NEK7: variants seen among roughly 807,000 people sequenced by gnomAD.
The protein encoded by NEK7 is serine/threonine-protein kinase Nek7.
Under a neutral mutation model 44.6 loss-of-function variants are expected in NEK7, and 18 were observed. The ratio of observed to expected loss-of-function variants is 0.40; its 90% CI spans 0.28 to 0.60. NEK7 has a LOEUF of 0.60. NEK7 is among the 20% of genes least tolerant of loss of function. The pLI, the probability that NEK7 is intolerant of heterozygous loss-of-function variation, is 0.38. For synonymous variants in NEK7, 130 were observed against 121.1 expected (o/e 1.07, Z -0.48); for missense variants, 256 against 366.5 (o/e 0.70, Z 2.46).
rs571241285 is a variant in NEK7, at chr1:198,222,317, AAAC to A, written c.-28-10232_-28-10230del. Among the ~76,000 whole-genome samples the A allele has an allele frequency of 9.7e-4, 148 of 152,286 alleles. 1 individual carries two copies. The highest frequency in any genetic ancestry group is 3.4e-3 in the African/African-American group (143 of 41,560). On this transcript the variant is annotated intron_variant, in intron 1 of 9. Coordinates refer to ENST00000367385, the MANE Select transcript of NEK7 (RefSeq NM_133494.3). ...ATCACATTAAAAAGCTTTAGGTGATAAACAACTAATTGGTTTGAGATTTTCAAG... is the reference window on the plus strand; with the variant it reads ...ATCACATTAAAAAGCTTTAGGTGATAAACTAATTGGTTTGAGATTTTCAAG...
intron 5 of NEK7, among the ~76,000 whole-genome samples, chr1:198,268,796 C>CA (rs1243923376): frequency 6.6e-6 from 1 of 152,076 alleles, no homozygotes; most frequent in Non-Finnish European, 1.5e-5. Flanking sequence ...GTGCCTAGCA[C>CA]AGAGCTTGTG....
intron 2 of NEK7, among the ~76,000 whole-genome samples, chr1:198,252,607 A>C (rs1446824072): frequency 7.7e-6 from 1 of 130,416 alleles, no homozygotes; most frequent in African/African-American, 3.1e-5. Flanking sequence ...ATGTTTATAT[A>C]TTTATTAAAA....
intron 2 of NEK7, among the ~76,000 whole-genome samples, chr1:198,238,971 A>G (rs772921878): frequency 6.6e-6 from 1 of 152,172 alleles, no homozygotes; most frequent in African/African-American, 2.4e-5. Context: ...TCTTATACTC[A>G]TGTTTAGGCA....
chr1:198,295,917 G>A (rs1054679434), intron 8 of NEK7, among the ~76,000 whole-genome samples: 8 of 151,070 alleles, frequency 5.3e-5, no homozygotes, highest in African/African-American at 1.5e-4. Context: ...CTTTTTTCTC[G>A]TCATGTGAAA....
At position 198,193,436 on chromosome 1, in the gene NEK7, G is replaced by A. The variant is rs1665136677; in HGVS notation, c.-29+36160G>A. Among the ~76,000 whole-genome samples the A allele has an allele frequency of 2.0e-5, 3 of 152,064 alleles. No individual in the cohort carries two copies. In the South Asian group the frequency reaches 6.2e-4, roughly 32 times the overall value. On this transcript the variant is annotated intron_variant, in intron 1 of 9. Transcript: ENST00000367385. ...ACTATTCCAAACAATTGAAAAGGAG[G>A]GACTCTTCCCTAACTTATTTTACGA...
chr1:198,319,299 C>G (rs1571628849), intron 9 of NEK7, 113 bp from the exon 10 acceptor site: 1 of 628,612 alleles, frequency 1.6e-6, no homozygotes. Context: ...AATGTTTAGT[C>G]AGAAAATGTA....
chr1:198,252,528 CTATATATATATATATA>C (rs1162099133), intron 2 of NEK7, among the ~76,000 whole-genome samples: 6 of 32,694 alleles, frequency 1.8e-4, no homozygotes, highest in Non-Finnish European at 2.6e-4. Context: ...ATCTCACATA[CTATATATATATATATA>C]TATATATATA....
At chr1:198,191,680 AGT>A (rs1470969327) in intron 1 of NEK7, among the ~76,000 whole-genome samples, 3 of 151,942 alleles carry the variant, frequency 2.0e-5, no homozygotes, top group East Asian at 3.8e-4. Context: ...CTTGTCCTGA[AGT>A]GTATTTTTCT....
chr1:198,249,512 G>A (rs1308649344), intron 2 of NEK7, among the ~76,000 whole-genome samples: 21 of 152,022 alleles, frequency 1.4e-4, no homozygotes, highest in Admixed American at 1.4e-3. Context: ...CACCAACAGT[G>A]TAAAAGTGTT....
chr1:198,219,437 A>C (rs968325278), intron 1 of NEK7, among the ~76,000 whole-genome samples: 1 of 151,652 alleles, frequency 6.6e-6, no homozygotes, highest in African/African-American at 2.4e-5. Flanking sequence ...ATTATTCTAA[A>C]TGAAGTAAAT....
At chr1:198,312,687 T>A (rs1253047202) in intron 9 of NEK7, among the ~76,000 whole-genome samples, 1 of 151,866 alleles carries the variant, frequency 6.6e-6, no homozygotes, top group Non-Finnish European at 1.5e-5. Flanking sequence ...TGCCTTCATT[T>A]CGTTATGTAC....
chr1:198,282,543 G>A (rs1366374998), intron 7 of NEK7, among the ~76,000 whole-genome samples: 2 of 152,100 alleles, frequency 1.3e-5, no homozygotes, highest in Non-Finnish European at 1.5e-5. Flanking sequence ...CTAAAACCCA[G>A]TGTCTGGATT....
At chr1:198,284,593 C>A (rs569610198) in intron 7 of NEK7, among the ~76,000 whole-genome samples, 2 of 152,208 alleles carry the variant, frequency 1.3e-5, no homozygotes, top group South Asian at 4.1e-4. Flanking sequence ...ACACGGCAAT[C>A]AAGTAATAAA....
intron 1 of NEK7, among the ~76,000 whole-genome samples, chr1:198,208,170 G>A (rs1171414345): frequency 6.6e-6 from 1 of 152,018 alleles, no homozygotes; most frequent in Non-Finnish European, 1.5e-5. Context: ...TTGCTATTTT[G>A]TGTTCATGTA....
chr1:198,252,225 C>A (rs546104921), intron 2 of NEK7, among the ~76,000 whole-genome samples: 8 of 152,082 alleles, frequency 5.3e-5, no homozygotes, highest in African/African-American at 1.9e-4. Context: ...TTTGATTGCC[C>A]TGTGGTCTGA....
chr1:198,272,235 C>G (rs1025364960), intron 5 of NEK7, among the ~76,000 whole-genome samples: 2 of 151,650 alleles, frequency 1.3e-5, no homozygotes, highest in Non-Finnish European at 2.9e-5. Flanking sequence ...GAACTTTGAA[C>G]TCTGTTTGCT....
intron 7 of NEK7, 64 bp from the exon 8 acceptor site, chr1:198,292,881 T>G: frequency 2.3e-6 from 2 of 874,164 alleles, no homozygotes; most frequent in Non-Finnish European, 1.9e-6. Flanking sequence ...GTATGTAGTT[T>G]CTGACCACAG....
chr1:198,303,416 T>C lies in NEK7; in HGVS notation c.798+6176T>C, dbSNP rs1246693116. 2.6e-5 allele frequency among the ~76,000 whole-genome samples: 4 copies of C among 152,098 alleles called. No homozygotes were observed. The East Asian group carries it at 7.7e-4, about 29-fold the overall frequency. On this transcript the variant is annotated intron_variant, in intron 9 of 9. Transcript: ENST00000367385. ...TTAGAATAAATTTAAAGAAGATTTTTAAGGGAGTTAAGTCAGTAACAAAAA... is the reference window on the plus strand; with the variant it reads ...TTAGAATAAATTTAAAGAAGATTTTCAAGGGAGTTAAGTCAGTAACAAAAA...
At chr1:198,281,827 C>T (rs974368440) in intron 7 of NEK7, among the ~76,000 whole-genome samples, 4 of 151,886 alleles carry the variant, frequency 2.6e-5, no homozygotes, top group African/African-American at 4.8e-5. Context: ...TCTTTTCATT[C>T]CATAATAAAT....
Sources: gnomAD v4.1 joint callset for allele counts (sites outside exome capture counted in the v4.1 genomes callset) on GRCh38, gnomAD v4.1.1 for gene constraint, MANE v1.5 for transcripts, NCBI Gene and HGNC (gene_info 2026-07-23, HGNC 2026-07-21) for gene names.